The following HCN1 variants were observed in gnomAD, a reference collection of about 807,000 sequenced individuals.
HCN1 encodes the protein potassium/sodium hyperpolarization-activated cyclic nucleotide-gated channel 1.
In HCN1, 13 loss-of-function variants were observed where a neutral mutation model predicts 78.9. The observed-to-expected ratio is 0.16, with a 90% CI of 0.11 to 0.26. The LOEUF is 0.26. HCN1 is among the 10% of genes least tolerant of loss of function. HCN1 has a pLI of 1.00. For synonymous variants in HCN1, 552 were observed against 455.5 expected (o/e 1.21, Z -2.70); for missense variants, 810 against 1,154.3 (o/e 0.70, Z 4.32).
At chr5:45,451,094 T>C (rs77757901) in intron 3 of HCN1, among the ~76,000 whole-genome samples, 5,023 of 152,230 alleles carry the variant, frequency 0.033, 311 homozygotes, top group African/African-American at 0.11. Flanking sequence ...ACCCTGTTCA[T>C]ACAATGAATT....
chr5:45,610,915 T>G (rs892285407), intron 2 of HCN1, among the ~76,000 whole-genome samples: 1 of 152,120 alleles, frequency 6.6e-6, no homozygotes, highest in African/African-American at 2.4e-5. Context: ...GTATGTCTGT[T>G]CAAAAACTCT....
At chr5:45,359,323 TA>T (rs1473679086) in intron 4 of HCN1, among the ~76,000 whole-genome samples, 9 of 151,580 alleles carry the variant, frequency 5.9e-5, no homozygotes, top group African/African-American at 2.2e-4. Flanking sequence ...GAGGGAACTT[TA>T]AGTTCATGAT....
chr5:45,373,200 T>A (rs1409404730), intron 4 of HCN1, among the ~76,000 whole-genome samples: 1 of 122,672 alleles, frequency 8.2e-6, no homozygotes, highest in African/African-American at 3.2e-5. Flanking sequence ...GTATTTTATA[T>A]ATTTTATATA....
At chr5:45,500,157 G>A (rs765330095) in intron 2 of HCN1, among the ~76,000 whole-genome samples, 1 of 151,962 alleles carries the variant, frequency 6.6e-6, no homozygotes, top group Admixed American at 6.6e-5. Flanking sequence ...GACATTTAAA[G>A]AATTTGGGTA....
At chr5:45,532,294 G>A (rs1742870029) in intron 2 of HCN1, among the ~76,000 whole-genome samples, 1 of 152,166 alleles carries the variant, frequency 6.6e-6, no homozygotes, top group Non-Finnish European at 1.5e-5. Flanking sequence ...GCATAGAAAT[G>A]TGAAGCTACA....
At chr5:45,492,333 G>A (rs1369222932) in intron 2 of HCN1, among the ~76,000 whole-genome samples, 1 of 143,166 alleles carries the variant, frequency 7.0e-6, no homozygotes, top group Non-Finnish European at 1.5e-5. Context: ...AGAGAGAGAG[G>A]ATAGGTGTGA....
intron 6 of HCN1, among the ~76,000 whole-genome samples, chr5:45,288,503 T>C (rs370559378): frequency 5.3e-5 from 8 of 152,000 alleles, no homozygotes; most frequent in African/African-American, 1.9e-4. Context: ...ATTTTACACA[T>C]GATGATTCTG....
At chr5:45,413,391 G>A (rs1297344496) in intron 3 of HCN1, among the ~76,000 whole-genome samples, 2 of 152,040 alleles carry the variant, frequency 1.3e-5, no homozygotes, top group African/African-American at 2.4e-5. Context: ...GATATTCTTT[G>A]TAAACCAGTC....
chr5:45,354,389 T>A (rs1003136786), intron 4 of HCN1, among the ~76,000 whole-genome samples: 2 of 152,026 alleles, frequency 1.3e-5, no homozygotes, highest in African/African-American at 4.8e-5. Context: ...GTAACACAAC[T>A]GGATAAAGAT....
chr5:45,312,383 G>C (rs1049633107), intron 5 of HCN1, among the ~76,000 whole-genome samples: 7 of 152,112 alleles, frequency 4.6e-5, no homozygotes, highest in African/African-American at 1.4e-4. Flanking sequence ...TATTTGCTGG[G>C]GGCGGTTCCA....
intron 2 of HCN1, among the ~76,000 whole-genome samples, chr5:45,464,579 G>A (rs183238657): frequency 2.4e-3 from 359 of 152,242 alleles, no homozygotes; most frequent in African/African-American, 8.2e-3. Flanking sequence ...TTTTTACACT[G>A]GTTAATAGCA....
intron 2 of HCN1, among the ~76,000 whole-genome samples, chr5:45,517,454 G>A (rs905038902): frequency 1.4e-5 from 2 of 140,714 alleles, no homozygotes; most frequent in East Asian, 2.2e-4. Context: ...ATTTTCCTAC[G>A]TATACATTAT....
chr5:45,337,002 A>T (rs941123212), intron 5 of HCN1, among the ~76,000 whole-genome samples: 2 of 151,900 alleles, frequency 1.3e-5, no homozygotes, highest in African/African-American at 4.8e-5. Context: ...GAGGGCATAA[A>T]TACTCACCTT....
chr5:45,336,616 T>G (rs1746462150), intron 5 of HCN1, among the ~76,000 whole-genome samples: 1 of 152,090 alleles, frequency 6.6e-6, no homozygotes, highest in Non-Finnish European at 1.5e-5. Flanking sequence ...ATAATCTAGG[T>G]AGAACCGGTG....
intron 2 of HCN1, among the ~76,000 whole-genome samples, chr5:45,550,357 T>C (rs1743339388): frequency 6.6e-6 from 1 of 152,092 alleles, no homozygotes; most frequent in African/African-American, 2.4e-5. Context: ...GGGACATGGA[T>C]GACCTGGAAA....
At chr5:45,491,425 C>A (rs1268331455) in intron 2 of HCN1, among the ~76,000 whole-genome samples, 2 of 151,900 alleles carry the variant, frequency 1.3e-5, no homozygotes, top group African/African-American at 4.8e-5. Context: ...TTAAAAAAAA[C>A]AAATTTGAAA....
chr5:45,577,989 C>T (rs888014554), intron 2 of HCN1, among the ~76,000 whole-genome samples: 1 of 152,014 alleles, frequency 6.6e-6, no homozygotes, highest in African/African-American at 2.4e-5. Flanking sequence ...TGAACACATG[C>T]TTAGAACTCA....
intron 3 of HCN1, among the ~76,000 whole-genome samples, chr5:45,424,717 T>C (rs1740310735): frequency 6.6e-6 from 1 of 152,194 alleles, no homozygotes; most frequent in Non-Finnish European, 1.5e-5. Context: ...ATGTTGAAAA[T>C]GTATCTAGAA....
At chr5:45,593,371 C>CA (rs1744424422) in intron 2 of HCN1, among the ~76,000 whole-genome samples, 1 of 148,046 alleles carries the variant, frequency 6.8e-6, no homozygotes, top group African/African-American at 2.6e-5. Context: ...CACACACACA[C>CA]CCCACATGTA....
Sources: gnomAD v4.1 joint callset for allele counts (sites outside exome capture counted in the v4.1 genomes callset) on GRCh38, gnomAD v4.1.1 for gene constraint, MANE v1.5 for transcripts, NCBI Gene and HGNC (gene_info 2026-07-23, HGNC 2026-07-21) for gene names.